ZNF326: variants seen among roughly 807,000 people sequenced by gnomAD.
ZNF326 encodes DBIRD complex subunit ZNF326.
Under a neutral mutation model 63.1 loss-of-function variants are expected in ZNF326, and 30 were observed. The ratio of observed to expected loss-of-function variants is 0.48; its 90% CI spans 0.36 to 0.64. The LOEUF is 0.64. Among genes scored for constraint, ZNF326 ranks in the 30% least tolerant of loss-of-function variants. The pLI is 0.00. For synonymous variants in ZNF326, 194 were observed against 228.2 expected (o/e 0.85, Z 1.35); for missense variants, 609 against 720.3 (o/e 0.85, Z 1.77).
Position 90,010,073 on chromosome 1 carries a change from T to G in ZNF326, c.616-15T>G. On this transcript the variant is annotated splice_polypyrimidine_tract_variant and intron_variant, in intron 5 of 11. Transcript: ENST00000340281. ...GGACAATATGCTAATATTTATTGAT[T>G]TCACAAATTTACAGCATATGGGTGA... 6.2e-7 allele frequency: 1 copy of G among 1,609,856 alleles called. No individual in the cohort carries two copies. The highest frequency in any genetic ancestry group is 8.5e-7 in the Non-Finnish European group (1 of 1,177,216).
intron 2 of ZNF326, among the ~76,000 whole-genome samples, chr1:89,999,826 C>T (rs973799986): frequency 2.0e-5 from 3 of 152,128 alleles, no homozygotes; most frequent in African/African-American, 7.2e-5. Context: ...TTATTTAGTG[C>T]CTGCTGGGCA....
chr1:90,015,504 AC>A (rs2101077449), intron 7 of ZNF326, among the ~76,000 whole-genome samples: 1 of 152,180 alleles, frequency 6.6e-6, no homozygotes, highest in Non-Finnish European at 1.5e-5. Flanking sequence ...ACATGGTGAA[AC>A]CTCATTTCTA....
chr1:90,002,936 A>G (rs1484071510), intron 2 of ZNF326, among the ~76,000 whole-genome samples: 1 of 152,162 alleles, frequency 6.6e-6, no homozygotes, highest in Non-Finnish European at 1.5e-5. Context: ...TTATGGCACA[A>G]TATTTAAAAA....
At chr1:90,008,749 A>T (rs1205945876) in intron 5 of ZNF326, among the ~76,000 whole-genome samples, 1 of 152,184 alleles carries the variant, frequency 6.6e-6, no homozygotes, top group Non-Finnish European at 1.5e-5. Flanking sequence ...TTAGCTTTTG[A>T]TATGTCAGTG....
chr1:90,007,876 A>G lies in ZNF326; in HGVS notation c.615+126A>G. 2.1e-6 allele frequency: 2 copies of G among 965,656 alleles called. No homozygotes were observed. The highest frequency in any genetic ancestry group is 2.8e-6 in the Non-Finnish European group (2 of 725,402). 59.8% of individuals were successfully genotyped at this position (965,656 alleles called of 1,614,324 possible). A position where few individuals can be genotyped will look rare whatever the true frequency, so the allele number is the denominator to read the frequency against. ...TGTATTTTGAAGCAAAAGCTGAGTC[A>G]TAAACATAATTTTTAGGTTGACTGT... On this transcript the variant is annotated intron_variant, in intron 5 of 11. Transcript: ENST00000340281. The surrounding 1 kb of genome is among the most constrained non-coding windows in gnomAD (Gnocchi z 4.9).
At chr1:90,014,290 AGT>A (rs1649390796) in intron 7 of ZNF326, among the ~76,000 whole-genome samples, 1 of 152,188 alleles carries the variant, frequency 6.6e-6, no homozygotes, top group South Asian at 2.1e-4. Context: ...ATTTGAAAGG[AGT>A]GCAAACAGAC....
chr1:90,000,554 C>T (rs1648626843), intron 2 of ZNF326, among the ~76,000 whole-genome samples: 1 of 152,040 alleles, frequency 6.6e-6, no homozygotes. Flanking sequence ...TTTTTAAAAA[C>T]ATTAGCCAGG....
chr1:90,018,702 A>G lies in ZNF326; in HGVS notation c.1092A>G (p.Lys364=). 2 of 1,578,382 alleles carry G rather than the reference A, an allele frequency of 1.3e-6. No homozygotes were observed. The highest frequency in any genetic ancestry group is 1.7e-6 in the Non-Finnish European group (2 of 1,162,212). Residue 364 remains lysine, a synonymous_variant, in exon 9 of 12, where the codon AAA becomes AAG. Coordinates refer to ENST00000340281, the MANE Select transcript of ZNF326 (RefSeq NM_182976.4). ...TTTTCTAGGAGTGTATGGTGAATAA[A>G]TTCAAGAAAACATCTATTCGTAAGC... ...MEFLHECMVN[K]FKKTSIRKQQ...
intron 2 of ZNF326, among the ~76,000 whole-genome samples, chr1:90,001,181 A>G (rs949919492): frequency 1.2e-4 from 18 of 152,154 alleles, no homozygotes; most frequent in Admixed American, 2.6e-4. Flanking sequence ...ACAACCAAAA[A>G]TGTTTCAGAC....
chr1:90,027,808 T>G lies in ZNF326; in HGVS notation c.*107T>G. On this transcript the variant is annotated 3_prime_UTR_variant, in exon 12 of 12. Coordinates refer to ENST00000340281, the MANE Select transcript of ZNF326 (RefSeq NM_182976.4). Reference sequence around the variant, plus strand: ...TGAATTAACACCCATGTTGCATGCATTCCACATATTAAAATTTGTTTTATA... The same window carrying G: ...TGAATTAACACCCATGTTGCATGCAGTCCACATATTAAAATTTGTTTTATA... 9 of 936,770 alleles carry G rather than the reference T, an allele frequency of 9.6e-6. No homozygotes were observed. The highest frequency in any genetic ancestry group is 1.3e-5 in the Non-Finnish European group (8 of 626,520). The allele number at this position is 936,770 out of a possible 1,614,324, so 58.0% of individuals were successfully genotyped here.
chr1:90,025,389 C>T lies in ZNF326; in HGVS notation c.1402-1965C>T, dbSNP rs144616394. ...TGGGCTTACTGCATACTCCACCTCCCGGGTTCAAACGATTCTCCTGGCTCA... is the reference window on the plus strand; with the variant it reads ...TGGGCTTACTGCATACTCCACCTCCTGGGTTCAAACGATTCTCCTGGCTCA... On this transcript the variant is annotated intron_variant, in intron 11 of 11. Transcript: ENST00000340281. Among the ~76,000 whole-genome samples, 412 of 152,274 alleles carry T rather than the reference C, an allele frequency of 2.7e-3. 4 individuals carry two copies. The highest frequency in any genetic ancestry group is 9.5e-3 in the African/African-American group (395 of 41,548).
chr1:90,005,138 G>A lies in ZNF326; in HGVS notation c.103G>A (p.Asp35Asn). The A allele has an allele frequency of 6.2e-7, 1 of 1,613,952 alleles. No homozygotes were observed. Among genetic ancestry groups the A allele is most frequent in the South Asian group, 1.1e-5 (1 of 91,064 alleles). Residue 35 changes from aspartate to asparagine, a missense_variant, in exon 4 of 12, where the codon GAT (aspartate) becomes AAT (asparagine). Around this residue, in one of 3 missense-constraint regions of ZNF326, gnomAD observed 97 missense variants for 88.7 expected, o/e 1.09. Coordinates refer to ENST00000340281, the MANE Select transcript of ZNF326 (RefSeq NM_182976.4). ...TTCTTTTTAAACTCTTATAGGGATGGATCGTGACTATGGCCATGGATCCTA... is the reference window on the plus strand; with the variant it reads ...TTCTTTTTAAACTCTTATAGGGATGAATCGTGACTATGGCCATGGATCCTA... Reference protein sequence around the residue: ...DYGPGSYGGMDRDYGHGSYGG... With the variant: ...DYGPGSYGGMNRDYGHGSYGG...
At chr1:90,022,489 A>T in intron 11 of ZNF326, 144 bp downstream of exon 11, 1 of 625,344 alleles carries the variant, frequency 1.6e-6, no homozygotes, top group South Asian at 2.4e-5. Flanking sequence ...TAGGTAAAAC[A>T]TCTTTTTTCC....
rs867841780 is a variant in ZNF326, at chr1:90,033,809, T to A, written c.*6108T>A. The A allele has an allele frequency of 4.6e-5, 7 of 152,226 alleles. No individual in the cohort carries two copies. The highest frequency in any genetic ancestry group is 3.4e-3 in the Middle Eastern group (1 of 294). The allele number at this position is 152,226 out of a possible 1,614,324, so 9.4% of individuals were successfully genotyped here. On this transcript the variant is annotated 3_prime_UTR_variant, in exon 12 of 12. Transcript: ENST00000340281. ...ATTAAGAGCCATATGTATAGAGAATTCACCATTGAATACCCTGCATATATC... is the reference window on the plus strand; with the variant it reads ...ATTAAGAGCCATATGTATAGAGAATACACCATTGAATACCCTGCATATATC...
chr1:90,011,516 G>GT (rs11317576), intron 6 of ZNF326, among the ~76,000 whole-genome samples: 1,919 of 126,714 alleles, frequency 0.015, 37 homozygotes, highest in African/African-American at 0.052. Flanking sequence ...AAATAGTTAA[G>GT]TTTTTTTTTT....
At chr1:90,022,492 T>G in intron 11 of ZNF326, 147 bp downstream of exon 11, 3 of 612,902 alleles carry the variant, frequency 4.9e-6, no homozygotes, top group Non-Finnish European at 8.5e-6. Context: ...GTAAAACATC[T>G]TTTTTCCTAA....
Position 90,007,441 on chromosome 1 carries a change from C to G in ZNF326, c.306C>G (p.Arg102=). 6.2e-7 allele frequency: 1 copy of G among 1,614,084 alleles called. No individual in the cohort carries two copies. The highest frequency in any genetic ancestry group is 8.5e-7 in the Non-Finnish European group (1 of 1,180,000). Residue 102 remains arginine, a synonymous_variant, in exon 5 of 12, where the codon CGC becomes CGG. Transcript: ENST00000340281. This position sits in a 1 kb window ranked among gnomAD's most constrained non-coding sequence, Gnocchi z 4.9. The stretch of plus-strand genomic sequence containing the variant: ...GTTTTAATGAACCCGAACAAAGCCG[C>G]TTCGGAGGTAGTTATGGTGGTCGAT... ...GYGFNEPEQS[R]FGGSYGGRFE... is the part of the protein sequence containing the mutation.
rs1649808189 is a variant in ZNF326 at position 90,022,291 on chromosome 1, T to C, written c.1347T>C (p.Ala449=). The C allele has an allele frequency of 1.9e-6, 3 of 1,613,372 alleles. No individual in the cohort carries two copies. The highest frequency in any genetic ancestry group is 2.5e-6 in the Non-Finnish European group (3 of 1,179,528). The change falls in exon 11 of 12, where the codon GCT becomes GCC. Residue 449 remains alanine, a synonymous_variant. Coordinates refer to ENST00000340281, the MANE Select transcript of ZNF326 (RefSeq NM_182976.4). The stretch of plus-strand genomic sequence containing the variant: ...TAAAAAGAGAGAGTGTCTTGACTGC[T>C]ACAAGCATTTTAAATAATCCAATAG... ...EQIKRESVLT[A]TSILNNPIVK...
intron 10 of ZNF326, 88 bp downstream of exon 10, chr1:90,021,010 A>G (rs190574692): frequency 4.4e-5 from 58 of 1,324,936 alleles, no homozygotes; most frequent in East Asian, 3.5e-4. Flanking sequence ...CCTATCTGCA[A>G]TTTTATCAAT....
Sources: gnomAD v4.1 joint callset for allele counts (sites outside exome capture counted in the v4.1 genomes callset) on GRCh38, gnomAD v4.1.1 for gene constraint, gnomAD v4.1.1 regional missense constraint, Gnocchi (gnomAD v3.1) non-coding constraint, MANE v1.5 for transcripts, NCBI Gene and HGNC (gene_info 2026-07-23, HGNC 2026-07-21) for gene names.